The following TRAPPC9 variants were observed in gnomAD, a reference collection of about 807,000 sequenced individuals.
The protein encoded by TRAPPC9 is IKK2 binding protein.
Under a neutral mutation model 124.0 loss-of-function variants are expected in TRAPPC9, and 83 were observed. The ratio of observed to expected loss-of-function variants is 0.67; its 90% confidence interval spans 0.56 to 0.80. TRAPPC9 has a LOEUF of 0.80. TRAPPC9 is among the 30% of genes least tolerant of loss of function. The probability of loss-of-function intolerance (pLI) is 0.00; values close to 1 mark genes in which losing one functional copy is unlikely to be tolerated. For synonymous variants in TRAPPC9, 638 were observed against 617.5 expected, an observed-to-expected ratio of 1.03 and a Z score of -0.49; for missense variants, 1,302 against 1,508.3, an observed-to-expected ratio of 0.86 and a Z score of 2.27.
At chr8:139,791,530 G>A (rs1786666584) in intron 21 of TRAPPC9, among the ~76,000 whole-genome samples, 1 of 144,770 alleles carries the variant, frequency 6.9e-6, no homozygotes. Flanking sequence ...ACTCACACAG[G>A]CACTCGTCTC....
intron 16 of TRAPPC9, among the ~76,000 whole-genome samples, chr8:140,221,810 G>C (rs1297595428): frequency 1.3e-5 from 2 of 152,094 alleles, no homozygotes; most frequent in Admixed American, 1.3e-4. Flanking sequence ...GCTAATTTTT[G>C]TATTTTTGGT....
intron 9 of TRAPPC9, among the ~76,000 whole-genome samples, chr8:140,349,335 G>A (rs2067462127): frequency 6.7e-6 from 1 of 149,320 alleles, no homozygotes; most frequent in East Asian, 2.0e-4. Flanking sequence ...GGCACACAAG[G>A]GGGCCGAAGG....
intron 17 of TRAPPC9, among the ~76,000 whole-genome samples, chr8:140,093,484 A>C (rs1483880739): frequency 6.6e-6 from 1 of 152,154 alleles, no homozygotes; most frequent in Admixed American, 6.5e-5. Context: ...CCTGGCCAAC[A>C]TGGTGAACCC....
chr8:140,366,865 C>A (rs2068126825), intron 8 of TRAPPC9, among the ~76,000 whole-genome samples: 1 of 152,112 alleles, frequency 6.6e-6, no homozygotes, highest in African/African-American at 2.4e-5. Context: ...AGAAAAAACT[C>A]TTAAAGTCAA....
rs1169302288 is a variant in TRAPPC9 at position 140,066,260 on chromosome 8, ACTG to A, written c.2557-42184_2557-42182del. ...GTGACTCTTGTGGATGAAATCCACCACTGATGAACAGGAGGGAGACATGGGAGC... is the reference window on the plus strand; with the variant it reads ...GTGACTCTTGTGGATGAAATCCACCAATGAACAGGAGGGAGACATGGGAGC... On this transcript the variant is annotated intron_variant, in intron 17 of 22. Transcript: ENST00000438773. Among the ~76,000 whole-genome samples, 3 of 53,548 alleles carry A rather than the reference ACTG, an allele frequency of 5.6e-5. No individual in the cohort carries two copies. The South Asian group carries it at 2.1e-3, about 37-fold the overall frequency. The allele number at this position is 53,548 out of a possible 152,430, so 35.1% of individuals were successfully genotyped here.
intron 17 of TRAPPC9, among the ~76,000 whole-genome samples, chr8:140,081,395 G>A (rs1843812132): frequency 6.7e-6 from 1 of 149,060 alleles, no homozygotes; most frequent in Non-Finnish European, 1.5e-5. Context: ...GCCCAGGCTG[G>A]AGTGCAGTGG....
intron 17 of TRAPPC9, among the ~76,000 whole-genome samples, chr8:140,180,855 T>C (rs191517593): frequency 2.2e-3 from 338 of 152,320 alleles, no homozygotes; most frequent in Middle Eastern, 0.017. Context: ...GATTAACTTA[T>C]GTGACTGTGT....
intron 21 of TRAPPC9, among the ~76,000 whole-genome samples, chr8:139,745,338 C>T (rs1030724749): frequency 5.3e-5 from 8 of 152,228 alleles, no homozygotes; most frequent in Admixed American, 2.0e-4. Context: ...AAAGGTGGTG[C>T]GTGGAGTGAA....
chr8:139,970,855 A>G (rs1836014221), intron 19 of TRAPPC9, among the ~76,000 whole-genome samples: 1 of 152,020 alleles, frequency 6.6e-6, no homozygotes. Flanking sequence ...AAGCCAGCTG[A>G]ACCTGAAGGG....
chr8:140,107,208 T>A (rs1467033660), intron 17 of TRAPPC9, among the ~76,000 whole-genome samples: 1 of 152,190 alleles, frequency 6.6e-6, no homozygotes, highest in East Asian at 1.9e-4. Flanking sequence ...CAAGTCCTGG[T>A]TCAATTCAAA....
chr8:140,215,110 G>A (rs183038666), intron 17 of TRAPPC9, among the ~76,000 whole-genome samples: 4 of 152,208 alleles, frequency 2.6e-5, no homozygotes, highest in Admixed American at 2.0e-4. Context: ...CAGCCGTCCC[G>A]CAGAAGACAA....
intron 17 of TRAPPC9, among the ~76,000 whole-genome samples, chr8:140,047,212 G>A (rs1841659414): frequency 6.6e-6 from 1 of 152,300 alleles, no homozygotes; most frequent in African/African-American, 2.4e-5. Flanking sequence ...CCCGGGCTGT[G>A]CCTCCTTCCA....
intron 2 of TRAPPC9, among the ~76,000 whole-genome samples, chr8:140,447,838 G>A (rs536005437): frequency 1.3e-4 from 20 of 152,242 alleles, no homozygotes; most frequent in African/African-American, 4.8e-4. Context: ...CTGCACCAAA[G>A]CATTCCTTCA....
intron 17 of TRAPPC9, among the ~76,000 whole-genome samples, chr8:140,048,731 G>C (rs1468853039): frequency 6.6e-6 from 1 of 152,190 alleles, no homozygotes; most frequent in Admixed American, 6.5e-5. Context: ...CACAAAGCTA[G>C]TGGAGGTGCG....
chr8:139,749,945 C>T (rs1383051342), intron 21 of TRAPPC9, among the ~76,000 whole-genome samples: 2 of 152,170 alleles, frequency 1.3e-5, no homozygotes, highest in South Asian at 2.1e-4. Context: ...CCCAGACACT[C>T]CCTCTGTCCT....
chr8:140,204,658 C>T (rs989027915), intron 17 of TRAPPC9, among the ~76,000 whole-genome samples: 55 of 152,316 alleles, frequency 3.6e-4, no homozygotes, highest in Non-Finnish European at 7.5e-4. Flanking sequence ...CTCACTTGCT[C>T]CTGCTCTTTC....
intron 15 of TRAPPC9, among the ~76,000 whole-genome samples, chr8:140,253,896 G>A (rs374150458): frequency 2.6e-5 from 4 of 152,086 alleles, no homozygotes; most frequent in South Asian, 2.1e-4. Context: ...AGGTTTCTTC[G>A]TGTGTAAAAT....
At position 139,732,248 on chromosome 8, in the gene TRAPPC9, C is replaced by T. The variant is rs1325396113; in HGVS notation, c.3056-46G>A. 14 of 1,499,078 alleles carry T rather than the reference C, an allele frequency of 9.3e-6. No individual in the cohort carries two copies. In the East Asian group the frequency reaches 3.4e-4, roughly 36 times the overall value. The allele number at this position is 1,499,078 out of a possible 1,614,324, so 92.9% of individuals were successfully genotyped here. ...TCGGGGGCTGGGCTGGCCTGCACGGCCCAGCCGGCCTACCCCACCCACTCG... is the reference window on the plus strand; with the variant it reads ...TCGGGGGCTGGGCTGGCCTGCACGGTCCAGCCGGCCTACCCCACCCACTCG... On this transcript the variant is annotated intron_variant, in intron 21 of 22. Coordinates refer to ENST00000438773, the MANE Select transcript of TRAPPC9 (RefSeq NM_001160372.4).
At chr8:140,108,417 T>C (rs1007167006) in intron 17 of TRAPPC9, among the ~76,000 whole-genome samples, 3 of 152,162 alleles carry the variant, frequency 2.0e-5, no homozygotes, top group Non-Finnish European at 4.4e-5. Context: ...ACACAGAAGC[T>C]CTGCACAATT....
Sources: allele counts gnomAD v4.1 joint callset (sites outside exome capture counted in the v4.1 genomes callset), GRCh38; gene constraint gnomAD v4.1.1; transcripts MANE v1.5; gene names NCBI Gene and HGNC (gene_info 2026-07-23, HGNC 2026-07-21).